TMEM229B: variants seen among roughly 807,000 people sequenced by gnomAD.
TMEM229B encodes chromosome 14 open reading frame 83.
In TMEM229B, 6 loss-of-function variants were observed where a neutral mutation model predicts 13.7. The ratio of observed to expected loss-of-function variants is 0.44; its 90% CI spans 0.24 to 0.86. The LOEUF (loss-of-function observed/expected upper bound fraction) is 0.86. TMEM229B is among the 40% of genes least tolerant of loss of function. The probability of loss-of-function intolerance (pLI) is 0.23; values close to 1 mark genes in which losing one functional copy is unlikely to be tolerated. For synonymous variants in TMEM229B, 107 were observed against 102.1 expected (o/e 1.05, Z -0.29); for missense variants, 170 against 236.0 (o/e 0.72, Z 1.83).
intron 2 of TMEM229B, among the ~76,000 whole-genome samples, chr14:67,478,984 A>G (rs900825472): frequency 6.6e-6 from 1 of 152,282 alleles, no homozygotes; most frequent in African/African-American, 2.4e-5. Flanking sequence ...GTGCACATAT[A>G]CAAAAAAATT....
chr14:67,509,609 G>A (rs925032003), intron 1 of TMEM229B, among the ~76,000 whole-genome samples: 2 of 152,078 alleles, frequency 1.3e-5, no homozygotes, highest in African/African-American at 2.4e-5. Flanking sequence ...ATGAGCCACC[G>A]CACCTGGTCA....
intron 1 of TMEM229B, among the ~76,000 whole-genome samples, chr14:67,511,361 A>T (rs2319840): frequency 0.64 from 96,439 of 151,364 alleles, 32,363 homozygotes; most frequent in Non-Finnish European, 0.76. Flanking sequence ...AAACAAAAAA[A>T]CAAAAAAAAC....
At chr14:67,527,392 C>G (rs117100065) in intron 1 of TMEM229B, among the ~76,000 whole-genome samples, 24 of 152,198 alleles carry the variant, frequency 1.6e-4, no homozygotes, top group Admixed American at 6.5e-4. Context: ...GAGCCGATAT[C>G]GCACCATTGC....
chr14:67,483,056 G>T (rs1395584303), intron 2 of TMEM229B, among the ~76,000 whole-genome samples: 1 of 152,068 alleles, frequency 6.6e-6, no homozygotes, highest in Non-Finnish European at 1.5e-5. Flanking sequence ...TGTCACCCAG[G>T]CTGTAGTGCA....
rs2030679121 is a variant in TMEM229B, at chr14:67,470,994, C to T, written c.*2426G>A. 6.6e-6 allele frequency: 1 copy of T among 152,218 alleles called. No homozygotes were observed. The highest frequency in any genetic ancestry group is 1.5e-5 in the Non-Finnish European group (1 of 68,052). 9.4% of individuals were successfully genotyped at this position (152,218 alleles called of 1,614,324 possible). A position where few individuals can be genotyped will look rare whatever the true frequency, so the allele number is the denominator to read the frequency against. On this transcript the variant is annotated 3_prime_UTR_variant, in exon 3 of 3. Coordinates refer to ENST00000554480, the MANE Select transcript of TMEM229B (RefSeq NM_001348543.2). Reference sequence around the variant, plus strand: ...GCAAGAATTGAAGTCTGGGCTATCCCTGGTGAGATCTGAACCTGTAGATCC... The same window carrying T: ...GCAAGAATTGAAGTCTGGGCTATCCTTGGTGAGATCTGAACCTGTAGATCC...
At chr14:67,482,457 C>T (rs1330670928) in intron 2 of TMEM229B, among the ~76,000 whole-genome samples, 1 of 152,196 alleles carries the variant, frequency 6.6e-6, no homozygotes, top group East Asian at 1.9e-4. Context: ...ATTCCCCTCC[C>T]ATGCAACCGG....
chr14:67,518,759 T>C (rs1257558735), upstream of TMEM229B, among the ~76,000 whole-genome samples: 1 of 152,214 alleles, frequency 6.6e-6, no homozygotes, highest in African/African-American at 2.4e-5. Context: ...TTTATGCTTG[T>C]TAGAGAGAAT....
chr14:67,511,319 A>G (rs2033016448), intron 1 of TMEM229B, among the ~76,000 whole-genome samples: 2 of 151,008 alleles, frequency 1.3e-5, no homozygotes, highest in Non-Finnish European at 2.9e-5. Flanking sequence ...AGCTCTCCCT[A>G]CATTAATTGA....
chr14:67,523,420 A>G (rs2033319540), intron 1 of TMEM229B, among the ~76,000 whole-genome samples: 1 of 152,234 alleles, frequency 6.6e-6, no homozygotes, highest in Admixed American at 6.5e-5. Context: ...CAATTCAACA[A>G]CCATTAATGT....
At chr14:67,494,239 T>C (rs187914169) in intron 1 of TMEM229B, among the ~76,000 whole-genome samples, 7 of 152,332 alleles carry the variant, frequency 4.6e-5, no homozygotes, top group African/African-American at 1.7e-4. Flanking sequence ...TCATTAACCA[T>C]GTAATTAGAC....
At chr14:67,514,161 G>A (rs1416776677) in intron 1 of TMEM229B, among the ~76,000 whole-genome samples, 1 of 152,158 alleles carries the variant, frequency 6.6e-6, no homozygotes, top group Non-Finnish European at 1.5e-5. Flanking sequence ...TCCCTCCAGG[G>A]AGAGCCTTGA....
At chr14:67,521,315 G>A (rs1191558570) in intron 1 of TMEM229B, among the ~76,000 whole-genome samples, 1 of 152,200 alleles carries the variant, frequency 6.6e-6, no homozygotes, top group Non-Finnish European at 1.5e-5. Flanking sequence ...GGAAGCAAAT[G>A]CAAAAGTTTA....
intron 1 of TMEM229B, among the ~76,000 whole-genome samples, chr14:67,531,379 T>C (rs1166685330): frequency 1.3e-5 from 2 of 152,134 alleles, no homozygotes; most frequent in African/African-American, 4.8e-5. Context: ...CCTAAATTCC[T>C]AATGTAGGGT....
At position 67,504,605 on chromosome 14, in the gene TMEM229B, G is replaced by T. The variant is rs548262352; in HGVS notation, c.-192+10481C>A. On this transcript the variant is annotated intron_variant, in intron 1 of 2. Coordinates refer to the TMEM229B transcript ENST00000357461. The stretch of plus-strand genomic sequence containing the variant: ...TCAAAAAAATAAATAAAAAACAATA[G>T]GCCATGTGCGGTGGCTCACACCTGT... 4.6e-5 allele frequency among the ~76,000 whole-genome samples: 7 copies of T among 152,212 alleles called. No individual in the cohort carries two copies. The East Asian group carries it at 1.3e-3, about 29-fold the overall frequency.
At chr14:67,517,757 A>C (rs1308184007), upstream of TMEM229B, among the ~76,000 whole-genome samples, 1 of 152,184 alleles carries the variant, frequency 6.6e-6, no homozygotes, top group Non-Finnish European at 1.5e-5. Flanking sequence ...TGGGTAGGAC[A>C]GCTATTTTTA....
At chr14:67,528,931 A>C (rs2033406630) in intron 1 of TMEM229B, among the ~76,000 whole-genome samples, 1 of 152,070 alleles carries the variant, frequency 6.6e-6, no homozygotes, top group African/African-American at 2.4e-5. Flanking sequence ...TTAAGACATG[A>C]GGTTAGATTT....
At chr14:67,481,889 G>A (rs2031609656) in intron 2 of TMEM229B, among the ~76,000 whole-genome samples, 1 of 152,296 alleles carries the variant, frequency 6.6e-6, no homozygotes, top group Non-Finnish European at 1.5e-5. Context: ...AAACAAAACT[G>A]TCCTGAGACC....
chr14:67,486,566 C>A (rs2031894128), intron 2 of TMEM229B, among the ~76,000 whole-genome samples: 1 of 152,178 alleles, frequency 6.6e-6, no homozygotes, highest in South Asian at 2.1e-4. Context: ...AGCCACAGTG[C>A]CCGGCTGATC....
At chr14:67,476,708 G>C (rs1222110507) in intron 2 of TMEM229B, among the ~76,000 whole-genome samples, 1 of 152,170 alleles carries the variant, frequency 6.6e-6, no homozygotes. Flanking sequence ...ATATCCCAGG[G>C]CCAGTAAATG....
Sources: gnomAD v4.1 joint callset for allele counts (sites outside exome capture counted in the v4.1 genomes callset) on GRCh38, gnomAD v4.1.1 for gene constraint, MANE v1.5 for transcripts, NCBI Gene and HGNC (gene_info 2026-07-23, HGNC 2026-07-21) for gene names.